Variants in KCNT2 observed in about 807,000 individuals in gnomAD.
KCNT2 encodes potassium sodium-activated channel subfamily T member 2, also known as potassium channel subfamily T member 2.
A neutral mutation model predicts 153.8 loss-of-function variants in KCNT2; 67 were observed. The ratio of observed to expected loss-of-function variants is 0.44; its 90% confidence interval spans 0.36 to 0.53. The LOEUF (loss-of-function observed/expected upper bound fraction) is 0.53, where lower values mean the gene tolerates loss of function less well. Ranked by LOEUF, KCNT2 falls within the 20% of genes least tolerant of loss-of-function variation. The pLI is 0.00. For missense variants in KCNT2, 975 were observed against 1,354.8 expected (o/e 0.72, Z 4.40); for synonymous variants, 500 against 458.8 (o/e 1.09, Z -1.15).
chr1:196,310,344 A>G (rs1247390295), intron 21 of KCNT2, among the ~76,000 whole-genome samples: 2 of 151,882 alleles, frequency 1.3e-5, no homozygotes, highest in African/African-American at 4.8e-5. Flanking sequence ...ACACTAAAAC[A>G]AGTATAAATG....
At chr1:196,241,528 A>G (rs976956419) in intron 26 of KCNT2, among the ~76,000 whole-genome samples, 3 of 152,118 alleles carry the variant, frequency 2.0e-5, no homozygotes, top group Non-Finnish European at 4.4e-5. Context: ...GAATAATTCC[A>G]TTTAACTGAC....
chr1:196,542,543 A>C (rs1656522336), intron 1 of KCNT2, among the ~76,000 whole-genome samples: 1 of 152,128 alleles, frequency 6.6e-6, no homozygotes, highest in Non-Finnish European at 1.5e-5. Context: ...CCTTTCTTGT[A>C]TAATCCCCCT....
intron 26 of KCNT2, among the ~76,000 whole-genome samples, chr1:196,248,492 T>A (rs1286800737): frequency 6.6e-6 from 1 of 151,916 alleles, no homozygotes; most frequent in African/African-American, 2.4e-5. Flanking sequence ...ATACAAAGGA[T>A]CTTTTAGAGG....
At chr1:196,503,509 C>T (rs571362699) in intron 1 of KCNT2, among the ~76,000 whole-genome samples, 1 of 152,186 alleles carries the variant, frequency 6.6e-6, no homozygotes, top group South Asian at 2.1e-4. Context: ...TAGAAAATAC[C>T]ATGTAATCTC....
Position 196,258,111 on chromosome 1 carries a change from T to G in KCNT2, c.3211+83A>C, listed in dbSNP as rs1267713885. ...GACCTGTGAAGCAAAAATTCAATTCTTTATTAAATTAGAACCAACTATATT... is the reference window on the plus strand; with the variant it reads ...GACCTGTGAAGCAAAAATTCAATTCGTTATTAAATTAGAACCAACTATATT... On this transcript the variant is annotated intron_variant, in intron 26 of 27. Coordinates refer to ENST00000294725, the MANE Select transcript of KCNT2 (RefSeq NM_198503.5). 9 of 1,502,618 alleles carry G rather than the reference T, an allele frequency of 6.0e-6. No homozygotes were observed. The Admixed American group carries it at 6.6e-5, about 11-fold the overall frequency. The allele number at this position is 1,502,618 out of a possible 1,614,324, so 93.1% of individuals were successfully genotyped here. A position where few individuals can be genotyped will look rare whatever the true frequency, so the allele number is the denominator to read the frequency against.
intron 8 of KCNT2, among the ~76,000 whole-genome samples, chr1:196,442,945 T>TAAGCC (rs1354064322): frequency 1.3e-5 from 2 of 151,630 alleles, no homozygotes; most frequent in Admixed American, 1.3e-4. Flanking sequence ...GGAATATAGG[T>TAAGCC]AAGCCACACA....
chr1:196,270,820 A>C (rs1324784532), intron 25 of KCNT2, among the ~76,000 whole-genome samples: 1 of 150,036 alleles, frequency 6.7e-6, no homozygotes. Context: ...CAATGGTTTC[A>C]ACATGCAGGT....
At chr1:196,260,835 T>A (rs1018889148) in intron 25 of KCNT2, among the ~76,000 whole-genome samples, 1 of 151,848 alleles carries the variant, frequency 6.6e-6, no homozygotes, top group African/African-American at 2.4e-5. Context: ...GTGAGGATAA[T>A]AACAGCCATC....
chr1:196,492,237 G>A (rs1283832152), intron 2 of KCNT2, 25 bp downstream of exon 2: 2 of 1,400,254 alleles, frequency 1.4e-6, no homozygotes, highest in African/African-American at 1.5e-5. Context: ...TGTACGAACA[G>A]AGGGGAATGA....
rs577150941 is a variant in KCNT2, at chr1:196,247,074, A to G, written c.3212-11004T>C. On this transcript the variant is annotated intron_variant, in intron 26 of 27. Coordinates refer to ENST00000294725, the MANE Select transcript of KCNT2 (RefSeq NM_198503.5). ...CCCTTGTAAAGACACACATAGACTG[A>G]AAAAAAGGTATGGAAAAAGACATTC... Among the ~76,000 whole-genome samples, 31 of 152,246 alleles carry G rather than the reference A, an allele frequency of 2.0e-4. No individual in the cohort carries two copies. In the South Asian group the frequency reaches 5.4e-3, roughly 26 times the overall value.
intron 5 of KCNT2, among the ~76,000 whole-genome samples, chr1:196,471,736 C>T (rs910190272): frequency 5.9e-5 from 9 of 152,098 alleles, no homozygotes; most frequent in African/African-American, 1.9e-4. Flanking sequence ...TGTCTCTCTT[C>T]TCTTCATTTC....
chr1:196,607,729 G>A (rs1387604345), intron 1 of KCNT2, among the ~76,000 whole-genome samples: 1 of 152,134 alleles, frequency 6.6e-6, no homozygotes, highest in Non-Finnish European at 1.5e-5. Context: ...CCAGTGCCAA[G>A]TAGATACCTA....
chr1:196,242,937 A>C (rs1234477917), intron 26 of KCNT2, among the ~76,000 whole-genome samples: 1 of 152,210 alleles, frequency 6.6e-6, no homozygotes, highest in Non-Finnish European at 1.5e-5. Flanking sequence ...AAAACAAAAT[A>C]AGAAATTAAC....
At chr1:196,437,011 C>CATAAATATATATCATATATAAAT (rs1305826837) in intron 8 of KCNT2, among the ~76,000 whole-genome samples, 5,040 of 37,264 alleles carry the variant, frequency 0.14, 233 homozygotes, top group Non-Finnish European at 0.2. Context: ...GGGAAATATA[C>CATAAATATATATCATATATAAAT]ATATATTTAT....
intron 1 of KCNT2, among the ~76,000 whole-genome samples, chr1:196,591,640 C>T (rs1323909996): frequency 1.3e-5 from 2 of 152,122 alleles, no homozygotes; most frequent in African/African-American, 4.8e-5. Flanking sequence ...CAAATTCTAA[C>T]TTATATAATA....
chr1:196,413,552 T>C (rs1321866960), intron 12 of KCNT2, among the ~76,000 whole-genome samples: 2 of 151,728 alleles, frequency 1.3e-5, no homozygotes, highest in East Asian at 3.9e-4. Context: ...AATCTTCAAA[T>C]GTTACCATCG....
chr1:196,407,562 A>T (rs183858370), intron 12 of KCNT2, among the ~76,000 whole-genome samples: 1 of 151,502 alleles, frequency 6.6e-6, no homozygotes, highest in African/African-American at 2.4e-5. Context: ...TTAGGGAATG[A>T]CATAGTACAG....
chr1:196,353,618 A>G (rs1275253696), intron 14 of KCNT2, among the ~76,000 whole-genome samples: 1 of 151,988 alleles, frequency 6.6e-6, no homozygotes, highest in Non-Finnish European at 1.5e-5. Flanking sequence ...ATTTTTTAAA[A>G]CACGAGTTGC....
At chr1:196,456,117 T>C (rs1676648419) in intron 8 of KCNT2, among the ~76,000 whole-genome samples, 1 of 152,040 alleles carries the variant, frequency 6.6e-6, no homozygotes, top group African/African-American at 2.4e-5. Context: ...TTGGCACTTT[T>C]CTTGCCTGCC....
Sources: gnomAD v4.1 joint callset for allele counts (sites outside exome capture counted in the v4.1 genomes callset) on GRCh38, gnomAD v4.1.1 for gene constraint, MANE v1.5 for transcripts, NCBI Gene and HGNC (gene_info 2026-07-23, HGNC 2026-07-21) for gene names.